Variants in WNK1 observed in about 807,000 individuals in gnomAD.
WNK1 encodes serine/threonine-protein kinase WNK1.
WNK1 carries 38 observed loss-of-function variants against 222.8 expected under a neutral mutation model. That is an observed-to-expected ratio of 0.17 (90% CI 0.13 to 0.22). WNK1 has a LOEUF of 0.22. Among genes scored for constraint, WNK1 ranks in the 10% least tolerant of loss-of-function variants. The pLI, the probability that WNK1 is intolerant of heterozygous loss-of-function variation, is 1.00. For missense variants in WNK1, 2,348 were observed against 2,918.4 expected, an observed-to-expected ratio of 0.80 and a Z score of 4.50; for synonymous variants, 1,090 against 1,092.9, an observed-to-expected ratio of 1.00 and a Z score of 0.05.
chr12:755,446 C>T (rs930737944), intron 1 of WNK1, among the ~76,000 whole-genome samples: 2 of 152,016 alleles, frequency 1.3e-5, no homozygotes, highest in Admixed American at 1.3e-4. Context: ...ATAACTAAGG[C>T]CATATCAAAT....
At chr12:841,474 T>C (rs1949620637) in intron 4 of WNK1, among the ~76,000 whole-genome samples, 1 of 152,220 alleles carries the variant, frequency 6.6e-6, no homozygotes, top group African/African-American at 2.4e-5. Flanking sequence ...CTATTGCATA[T>C]ATATACTACA....
chr12:766,076 A>G (rs1247217775), intron 1 of WNK1, among the ~76,000 whole-genome samples: 2 of 152,156 alleles, frequency 1.3e-5, no homozygotes, highest in African/African-American at 4.8e-5. Context: ...GGAAGTTTAG[A>G]AAGTAGAGAC....
At chr12:908,055 A>G in intron 27 of WNK1, 21 bp downstream of exon 27, 1 of 1,613,454 alleles carries the variant, frequency 6.2e-7, no homozygotes, top group Non-Finnish European at 8.5e-7. Flanking sequence ...CTTTTGCCGC[A>G]GAGAATCCGT....
At chr12:904,676 AACCCCATGTGAGCCTAGC>A (rs1438197912) in intron 26 of WNK1, among the ~76,000 whole-genome samples, 2 of 152,200 alleles carry the variant, frequency 1.3e-5, no homozygotes, top group Non-Finnish European at 2.9e-5. Flanking sequence ...CCTCAGTGAT[AACCCCATGTGAGCCTAGC>A]TTGTGACAGA....
intron 1 of WNK1, among the ~76,000 whole-genome samples, chr12:782,989 G>A (rs1004809811): frequency 6.6e-5 from 10 of 151,232 alleles, no homozygotes; most frequent in Non-Finnish European, 5.9e-5. Flanking sequence ...CTGCAGCTTC[G>A]AACTCCTGGG....
chr12:757,336 A>ATTTTT (rs1310158174), intron 1 of WNK1, among the ~76,000 whole-genome samples: 1 of 66,136 alleles, frequency 1.5e-5, no homozygotes, highest in Non-Finnish European at 3.2e-5. Context: ...TTTTTTTTAA[A>ATTTTT]AAAAAAAAGA....
intron 1 of WNK1, among the ~76,000 whole-genome samples, chr12:792,280 A>G (rs1028467294): frequency 1.3e-5 from 2 of 150,480 alleles, no homozygotes; most frequent in Non-Finnish European, 1.5e-5. Context: ...TGATTAATAA[A>G]TGTTTCAATT....
intron 1 of WNK1, among the ~76,000 whole-genome samples, chr12:788,899 G>A (rs2014160): frequency 0.76 from 114,737 of 150,900 alleles, 43,711 homozygotes; most frequent in East Asian, 0.87. Context: ...GGGGGAAAAA[G>A]AAAGGTAAGT....
At chr12:757,235 C>G (rs987892729) in intron 1 of WNK1, among the ~76,000 whole-genome samples, 1 of 148,442 alleles carries the variant, frequency 6.7e-6, no homozygotes, top group Non-Finnish European at 1.5e-5. Flanking sequence ...GTATACAAAT[C>G]AAGCTATTTT....
Position 753,597 on chromosome 12 carries a change from G to C in WNK1, c.32G>C (p.Ser11Thr). Residue 11 changes from serine (S) to threonine (T), a missense_variant, in exon 1 of 28, where the codon AGC (serine) becomes ACC (threonine). Ser to Thr is a moderately conservative substitution (Grantham distance 58). Coordinates refer to ENST00000315939, the MANE Select transcript of WNK1 (RefSeq NM_018979.4). The surrounding 1 kb of genome is among the most constrained non-coding windows in gnomAD (Gnocchi z 5.2). ...GGCGGCGCCGCAGAGAAGCAGAGCAGCACTCCCGGTTCCCTGTTCCTCTCG... is the reference window on the plus strand; with the variant it reads ...GGCGGCGCCGCAGAGAAGCAGAGCACCACTCCCGGTTCCCTGTTCCTCTCG... MSGGAAEKQSSTPGSLFLSPP... is the reference protein window; with the variant it reads MSGGAAEKQSTTPGSLFLSPP... The C allele has an allele frequency of 6.2e-7, 1 of 1,612,720 alleles. No individual in the cohort carries two copies. The highest frequency in any genetic ancestry group is 1.1e-5 in the South Asian group (1 of 91,078).
At chr12:786,339 G>A (rs548763158) in intron 1 of WNK1, among the ~76,000 whole-genome samples, 20 of 152,182 alleles carry the variant, frequency 1.3e-4, no homozygotes, top group Non-Finnish European at 2.8e-4. Context: ...TGTTATATAC[G>A]TAAATAATTG....
chr12:874,723 A>G (rs994561116), intron 9 of WNK1, among the ~76,000 whole-genome samples: 21 of 152,332 alleles, frequency 1.4e-4, no homozygotes, highest in African/African-American at 3.1e-4. Flanking sequence ...TAAGAACCCT[A>G]TAAGTATAGA....
chr12:880,683 C>T (rs746904892), intron 11 of WNK1, 38 bp from the exon 12 acceptor site: 3 of 1,611,272 alleles, frequency 1.9e-6, no homozygotes, highest in Non-Finnish European at 2.5e-6. Flanking sequence ...TATTGACCCC[C>T]AACCTGCTCT....
At chr12:771,687 G>A (rs974246670) in intron 1 of WNK1, among the ~76,000 whole-genome samples, 9 of 151,776 alleles carry the variant, frequency 5.9e-5, no homozygotes, top group Non-Finnish European at 4.4e-5. Flanking sequence ...TGCCCGCCTC[G>A]GCCTCCCAAA....
rs1366617110 is a variant in WNK1 at position 871,352 on chromosome 12, A to G, written c.2223+4A>G. ...ACCCATACAACATCCTCAGCAGGTG[A>G]GAACAATGCATTGCAACATTTTATG... On this transcript the variant is annotated splice_donor_region_variant and intron_variant, in intron 9 of 27. Transcript: ENST00000315939. 3 of 1,613,710 alleles carry G rather than the reference A, an allele frequency of 1.9e-6. No homozygotes were observed. In the East Asian group the frequency reaches 6.7e-5, roughly 36 times the overall value.
chr12:812,176 A>C (rs1207815416), intron 1 of WNK1, among the ~76,000 whole-genome samples: 2 of 152,150 alleles, frequency 1.3e-5, no homozygotes, highest in African/African-American at 4.8e-5. Flanking sequence ...TTGCAAGTTG[A>C]TCATTCTGTA....
At position 862,095 on chromosome 12, in the gene WNK1, T is replaced by C. The variant is rs530397124; in HGVS notation, c.1964T>C (p.Val655Ala). Residue 655 changes from valine (V) to alanine (A), a missense_variant, in exon 8 of 28, where the codon GTT becomes GCT. Coordinates refer to ENST00000315939, the MANE Select transcript of WNK1 (RefSeq NM_018979.4). ...PSISVLSDGT[V>A]DSGQGSSVFT... Reference sequence around the variant, plus strand: ...ATTTTTCCTTCAGCTGATGGGACGGTTGACAGTGGTCAGGGATCCTCTGTC... The same window carrying C: ...ATTTTTCCTTCAGCTGATGGGACGGCTGACAGTGGTCAGGGATCCTCTGTC... 9 of 1,614,068 alleles carry C rather than the reference T, an allele frequency of 5.6e-6. 1 individual carries two copies. The South Asian group carries it at 7.7e-5, about 14-fold the overall frequency.
At chr12:772,567 A>T (rs527612777) in intron 1 of WNK1, among the ~76,000 whole-genome samples, 2 of 152,242 alleles carry the variant, frequency 1.3e-5, no homozygotes, top group African/African-American at 4.8e-5. Context: ...TGCCTGATTT[A>T]CCTTATAGAA....
rs185428235 is a variant in WNK1 at position 903,774 on chromosome 12, C to T, written c.6643+3104C>T. On this transcript the variant is annotated intron_variant, in intron 26 of 27. Transcript: ENST00000315939. ...ACATACTTGAAATATGGAAAGGAAA[C>T]AGGTACTTGAAAGAGTAGGGCACCT... Among the ~76,000 whole-genome samples, 68 of 152,250 alleles carry T rather than the reference C, an allele frequency of 4.5e-4. 1 individual carries two copies. In the East Asian group the frequency reaches 0.011, roughly 24 times the overall value.
Sources: allele counts gnomAD v4.1 joint callset (sites outside exome capture counted in the v4.1 genomes callset), GRCh38; gene constraint gnomAD v4.1.1; non-coding constraint Gnocchi (gnomAD v3.1); transcripts MANE v1.5; gene names NCBI Gene and HGNC (gene_info 2026-07-23, HGNC 2026-07-21).